The following RNF212 variants were observed in gnomAD, a reference collection of about 807,000 sequenced individuals.
RNF212 encodes the protein probable E3 SUMO-protein ligase RNF212.
A neutral mutation model predicts 34.7 loss-of-function variants in RNF212; 33 were observed. The observed-to-expected ratio is 0.95, with a 90% CI of 0.72 to 1.27. The LOEUF is 1.27. RNF212 is among the 50% of genes most tolerant of loss of function. The probability of loss-of-function intolerance (pLI) is 0.00; values close to 1 mark genes in which losing one functional copy is unlikely to be tolerated. For synonymous variants in RNF212, 140 were observed against 136.1 expected (o/e 1.03, Z -0.20); for missense variants, 377 against 362.2 (o/e 1.04, Z -0.33).
At chr4:1,085,401 G>A (rs573735211) in intron 5 of RNF212, among the ~76,000 whole-genome samples, 45 of 152,342 alleles carry the variant, frequency 3.0e-4, no homozygotes, top group Admixed American at 2.3e-3. Flanking sequence ...CCCCATTTTG[G>A]TTAATCCTAG....
chr4:1,062,882 T>C (rs1717841227), intron 3 of RNF212, among the ~76,000 whole-genome samples: 1 of 152,132 alleles, frequency 6.6e-6, no homozygotes, highest in Admixed American at 6.6e-5. Flanking sequence ...GATCCATCTA[T>C]AAAAATCAGT....
downstream of RNF212, among the ~76,000 whole-genome samples, chr4:1,070,048 A>ATGCTGTCAGCGGCTG (rs1718346615): frequency 1.1e-5 from 1 of 95,152 alleles, no homozygotes; most frequent in African/African-American, 3.3e-5. Flanking sequence ...TCGTAGGACT[A>ATGCTGTCAGCGGCTG]TGCTGTCAGC....
At chr4:1,078,624 A>G (rs1719727952) in intron 8 of RNF212, among the ~76,000 whole-genome samples, 1 of 152,228 alleles carries the variant, frequency 6.6e-6, no homozygotes, top group Non-Finnish European at 1.5e-5. Flanking sequence ...TCATTTCATG[A>G]GACAGCAAGT....
intron 8 of RNF212, among the ~76,000 whole-genome samples, chr4:1,077,268 G>C (rs987760239): frequency 1.3e-5 from 2 of 152,164 alleles, no homozygotes; most frequent in Non-Finnish European, 2.9e-5. Flanking sequence ...GCAAAAGACA[G>C]AAAATGCCCA....
rs79620907 is a variant in RNF212 at position 1,079,010 on chromosome 4, C to T, written c.510+633G>A. ...ACACAGGACCAACATAGGACCAACA[C>T]AGGGTCAACACAGGACCAACATGGG... On this transcript the variant is annotated intron_variant, in intron 8 of 9. Coordinates refer to ENST00000433731, the MANE Select transcript of RNF212 (RefSeq NM_001131034.4). 1.2e-3 allele frequency among the ~76,000 whole-genome samples: 120 copies of T among 103,984 alleles called. 10 individuals carry two copies. The highest frequency in any genetic ancestry group is 4.0e-3 in the Middle Eastern group (1 of 248). 68.2% of individuals were successfully genotyped at this position (103,984 alleles called of 152,430 possible).
At chr4:1,073,358 G>A (rs1718743356) in intron 9 of RNF212, among the ~76,000 whole-genome samples, 165 bp from the exon 10 acceptor site, 1 of 152,092 alleles carries the variant, frequency 6.6e-6, no homozygotes, top group African/African-American at 2.4e-5. Flanking sequence ...AAAACCAAGA[G>A]GACATAGAAT....
chr4:1,078,093 C>T (rs558783321), intron 8 of RNF212, among the ~76,000 whole-genome samples: 3 of 152,334 alleles, frequency 2.0e-5, no homozygotes, highest in Admixed American at 6.5e-5. Flanking sequence ...TTACCCATGC[C>T]ACAGGGCTGC....
intron 3 of RNF212, among the ~76,000 whole-genome samples, chr4:1,062,196 C>T (rs112213665): frequency 7.9e-4 from 120 of 152,302 alleles, no homozygotes; most frequent in African/African-American, 2.7e-3. Flanking sequence ...AGTGTGCTGA[C>T]CAGTATCTCT....
chr4:1,099,067 C>T (rs1252765245), intron 2 of RNF212, among the ~76,000 whole-genome samples: 4 of 152,180 alleles, frequency 2.6e-5, no homozygotes, highest in Non-Finnish European at 4.4e-5. Flanking sequence ...GTCTACAAAA[C>T]TAACAAATGG....
At chr4:1,079,458 G>A (rs549838013) in intron 8 of RNF212, among the ~76,000 whole-genome samples, 185 bp downstream of exon 8, 16 of 152,348 alleles carry the variant, frequency 1.1e-4, no homozygotes, top group East Asian at 9.6e-4. Flanking sequence ...GAACAGGAGC[G>A]TTCTCATGAC....
intron 7 of RNF212, among the ~76,000 whole-genome samples, chr4:1,080,260 C>T (rs1720115165): frequency 1.3e-5 from 2 of 152,214 alleles, no homozygotes; most frequent in South Asian, 2.1e-4. Context: ...TTTCCAACAG[C>T]TCCAGCAAGA....
At chr4:1,098,370 T>C (rs682787) in intron 2 of RNF212, among the ~76,000 whole-genome samples, 28,114 of 152,108 alleles carry the variant, frequency 0.18, 4,228 homozygotes, top group African/African-American at 0.42. Context: ...TGGATCAGGA[T>C]TAAGGCACCA....
intron 5 of RNF212, 192 bp downstream of exon 5, chr4:1,085,704 C>CT: frequency 1.7e-6 from 1 of 597,158 alleles, no homozygotes; most frequent in East Asian, 2.8e-5. Context: ...TTCACTTTTT[C>CT]TTTTTTGTCT....
In RNF212 at chr4:1,073,022, T is replaced by TGGG. The variant is rs1718687294; in HGVS notation, c.745_746insCCC (p.Asn249delinsThrHis). 2 of 1,613,916 alleles carry TGGG rather than the reference T, an allele frequency of 1.2e-6. No homozygotes were observed. The highest frequency in any genetic ancestry group is 1.6e-4 in the Middle Eastern group (1 of 6,084). On this transcript the variant is annotated protein_altering_variant, in exon 10 of 10. Coordinates refer to ENST00000433731, the MANE Select transcript of RNF212 (RefSeq NM_001131034.4). ...AGCATATATTGGAAGTGTTTTAGAG[T>TGGG]TGGTGAGTTCCCCGTGCCTTCCAGA...
intron 9 of RNF212, 56 bp downstream of exon 9, chr4:1,073,543 G>C: frequency 8.1e-7 from 1 of 1,241,504 alleles, no homozygotes; most frequent in Non-Finnish European, 1.2e-6. Flanking sequence ...ACCTTTCAGG[G>C]AATGCATTTT....
intron 5 of RNF212, 101 bp downstream of exon 5, chr4:1,085,795 T>C: frequency 2.4e-6 from 2 of 835,140 alleles, no homozygotes; most frequent in Non-Finnish European, 4.2e-6. Context: ...TCCCTCTGCA[T>C]CTGCAGTCAT....
Position 1,103,103 on chromosome 4 carries a change from A to T in RNF212, c.171+5240T>A, listed in dbSNP as rs1306034208. Among the ~76,000 whole-genome samples the T allele has an allele frequency of 2.0e-5, 3 of 152,360 alleles. No homozygotes were observed. In the East Asian group the frequency reaches 5.8e-4, roughly 29 times the overall value. ...GGAACTTACAGACATGAAAAATATG[A>T]GTGGATAACAAGCATATTGATGACA... is the stretch of plus-strand genomic sequence containing the variant. On this transcript the variant is annotated intron_variant, in intron 2 of 9. Transcript: ENST00000433731.
At chr4:1,109,813 C>T (rs1215136725) in intron 1 of RNF212, among the ~76,000 whole-genome samples, 6 of 152,188 alleles carry the variant, frequency 3.9e-5, no homozygotes, top group Non-Finnish European at 4.4e-5. Context: ...CAGCCCAAGC[C>T]CAGGCTTTCA....
At chr4:1,075,594 C>T (rs936166897) in intron 8 of RNF212, among the ~76,000 whole-genome samples, 7 of 152,232 alleles carry the variant, frequency 4.6e-5, no homozygotes, top group Admixed American at 2.0e-4. Flanking sequence ...GGCCCCACCT[C>T]GGGCACTGGG....
Sources: allele counts gnomAD v4.1 joint callset (sites outside exome capture counted in the v4.1 genomes callset), GRCh38; gene constraint gnomAD v4.1.1; transcripts MANE v1.5; gene names NCBI Gene and HGNC (gene_info 2026-07-23, HGNC 2026-07-21).